WWOX: variants seen among roughly 807,000 people sequenced by gnomAD.
WWOX encodes WW domain containing oxidoreductase.
Under a neutral mutation model 46.2 loss-of-function variants are expected in WWOX, and 69 were observed. The ratio of observed to expected loss-of-function variants is 1.49; its 90% CI spans 1.23 to 1.82. The LOEUF is 1.82. WWOX is among the 40% of genes most tolerant of loss of function. The pLI is 0.00. For synonymous variants in WWOX, 359 were observed against 202.6 expected (o/e 1.77, Z -6.56); for missense variants, 919 against 542.6 (o/e 1.69, Z -6.89).
chr16:78,333,917 C>T (rs8052110), intron 5 of WWOX, among the ~76,000 whole-genome samples: 102,266 of 149,966 alleles, frequency 0.68, 34,693 homozygotes, highest in Admixed American at 0.77. Flanking sequence ...TCATCTCCTC[C>T]CCCTCTTCTT....
intron 8 of WWOX, among the ~76,000 whole-genome samples, chr16:78,705,007 A>T (rs192411702): frequency 9.9e-5 from 15 of 151,936 alleles, no homozygotes; most frequent in Non-Finnish European, 1.6e-4. Flanking sequence ...ACATTTCTAG[A>T]AGTGCAACAT....
At chr16:78,667,670 C>CAAAAAAAA (rs35375082) in intron 8 of WWOX, among the ~76,000 whole-genome samples, 2 of 61,300 alleles carry the variant, frequency 3.3e-5, no homozygotes, top group Admixed American at 1.9e-4. Context: ...GACTCCGTCT[C>CAAAAAAAA]AAAAAAAAAA....
At chr16:78,144,471 A>ATATATATATATATC in intron 4 of WWOX, among the ~76,000 whole-genome samples, 1 of 33,586 alleles carries the variant, frequency 3.0e-5, no homozygotes, top group South Asian at 9.2e-4. Context: ...ATACACACAT[A>ATATATATATATATC]TATATATATA....
At chr16:78,542,566 C>T (rs563110005) in intron 8 of WWOX, among the ~76,000 whole-genome samples, 7 of 152,240 alleles carry the variant, frequency 4.6e-5, no homozygotes, top group African/African-American at 1.4e-4. Context: ...CAGAGGTGAC[C>T]GTGTTCGCTG....
At chr16:78,617,317 A>T (rs1214469224) in intron 8 of WWOX, among the ~76,000 whole-genome samples, 1 of 150,984 alleles carries the variant, frequency 6.6e-6, no homozygotes, top group Non-Finnish European at 1.5e-5. Context: ...TGGAAGGATC[A>T]CTTGAGCCCA....
chr16:79,098,893 G>T (rs536476333), intron 8 of WWOX, among the ~76,000 whole-genome samples: 1 of 152,040 alleles, frequency 6.6e-6, no homozygotes, highest in Non-Finnish European at 1.5e-5. Context: ...GTATAGTTTT[G>T]TCCGTTTTGT....
chr16:78,452,845 C>T (rs1303505456), intron 8 of WWOX, among the ~76,000 whole-genome samples: 1 of 138,562 alleles, frequency 7.2e-6, no homozygotes, highest in African/African-American at 3.1e-5. Context: ...CCTATGGCTG[C>T]TATTGTTTTC....
chr16:78,942,012 C>T (rs543754935), intron 8 of WWOX, among the ~76,000 whole-genome samples: 6 of 152,216 alleles, frequency 3.9e-5, no homozygotes, highest in South Asian at 2.1e-4. Flanking sequence ...GAAGTATTGG[C>T]GAGCATTTCT....
At chr16:78,621,310 C>T (rs1025547784) in intron 8 of WWOX, among the ~76,000 whole-genome samples, 2 of 151,978 alleles carry the variant, frequency 1.3e-5, no homozygotes, top group Admixed American at 6.6e-5. Flanking sequence ...TCTTTTCATG[C>T]CCCCTTCTAA....
At chr16:78,327,462 G>A (rs1383961320) in intron 5 of WWOX, among the ~76,000 whole-genome samples, 1 of 152,084 alleles carries the variant, frequency 6.6e-6, no homozygotes, top group Non-Finnish European at 1.5e-5. Context: ...GACCCACTGG[G>A]CAGGACACAG....
chr16:78,955,519 A>G (rs183372059), intron 8 of WWOX, among the ~76,000 whole-genome samples: 12 of 152,350 alleles, frequency 7.9e-5, no homozygotes, highest in African/African-American at 2.6e-4. Context: ...GTGTAAGCAC[A>G]CCAGGCTGCA....
chr16:78,108,318 C>G (rs1028734741), intron 1 of WWOX, 105 bp from the exon 2 acceptor site: 6 of 1,169,708 alleles, frequency 5.1e-6, no homozygotes, highest in Non-Finnish European at 2.5e-6. Flanking sequence ...CCCCTACTTC[C>G]TTCTTATATC....
chr16:78,992,971 G>C (rs2046917854), intron 8 of WWOX, among the ~76,000 whole-genome samples: 1 of 151,192 alleles, frequency 6.6e-6, no homozygotes. Flanking sequence ...AAATTATTCA[G>C]TGACTTCCTC....
At chr16:78,707,933 CA>C (rs1567505726) in intron 8 of WWOX, among the ~76,000 whole-genome samples, 1 of 152,160 alleles carries the variant, frequency 6.6e-6, no homozygotes, top group Non-Finnish European at 1.5e-5. Context: ...GGTGCAAAAG[CA>C]ATCGTGGTTT....
chr16:78,510,431 C>T (rs2085334524), intron 8 of WWOX, among the ~76,000 whole-genome samples: 1 of 152,130 alleles, frequency 6.6e-6, no homozygotes, highest in African/African-American at 2.4e-5. Flanking sequence ...CCAGTATGGT[C>T]TCAAACTCCT....
chr16:78,855,277 T>G (rs1282911878), intron 8 of WWOX, among the ~76,000 whole-genome samples: 4 of 152,196 alleles, frequency 2.6e-5, no homozygotes, highest in Non-Finnish European at 4.4e-5. Context: ...ATTATAAGAA[T>G]TTATAGGAGT....
chr16:78,651,897 C>T (rs1024774078), intron 8 of WWOX, among the ~76,000 whole-genome samples: 2 of 152,078 alleles, frequency 1.3e-5, no homozygotes, highest in African/African-American at 4.8e-5. Context: ...TAGCTATTCC[C>T]ATAGGGAGTG....
At chr16:79,118,148 C>A (rs1029390348) in intron 8 of WWOX, among the ~76,000 whole-genome samples, 2 of 152,198 alleles carry the variant, frequency 1.3e-5, no homozygotes, top group Admixed American at 1.3e-4. Context: ...GAGAGACATG[C>A]AACTCTGACT....
intron 6 of WWOX, among the ~76,000 whole-genome samples, chr16:78,387,590 G>A (rs771067709): frequency 2.0e-5 from 3 of 151,942 alleles, no homozygotes; most frequent in African/African-American, 7.2e-5. Context: ...AGCGGAAGGG[G>A]GTGGGGAGAC....
Sources: gnomAD v4.1 joint callset for allele counts (sites outside exome capture counted in the v4.1 genomes callset) on GRCh38, gnomAD v4.1.1 for gene constraint, MANE v1.5 for transcripts, NCBI Gene and HGNC (gene_info 2026-07-23, HGNC 2026-07-21) for gene names.